LRP1: variants seen among roughly 807,000 people sequenced by gnomAD.
LRP1 encodes prolow-density lipoprotein receptor-related protein 1.
Under a neutral mutation model 541.5 loss-of-function variants are expected in LRP1, and 51 were observed. The ratio of observed to expected loss-of-function variants is 0.09; its 90% CI spans 0.08 to 0.12. LRP1 has a LOEUF of 0.12. Among genes scored for constraint, LRP1 ranks in the 10% least tolerant of loss-of-function variants. The pLI is 1.00. For synonymous variants in LRP1, 2,219 were observed against 2,470.8 expected (o/e 0.90, Z 3.02); for missense variants, 3,878 against 6,376.2 (o/e 0.61, Z 13.34).
chr12:57,200,424 C>T lies in LRP1; in HGVS notation c.10015-18C>T, dbSNP rs375231891. The T allele has an allele frequency of 2.5e-6, 3 of 1,216,900 alleles. No homozygotes were observed. The highest frequency in any genetic ancestry group is 3.6e-6 in the Non-Finnish European group (3 of 836,964). The allele number at this position is 1,216,900 out of a possible 1,614,324, so 75.4% of individuals were successfully genotyped here. ...CCCAGACCCCCACCAACCCCTCTTGCCCCCACCTGCCCTCCAGTTTGTATG... is the reference window on the plus strand; with the variant it reads ...CCCAGACCCCCACCAACCCCTCTTGTCCCCACCTGCCCTCCAGTTTGTATG... On this transcript the variant is annotated intron_variant, in intron 62 of 88. Coordinates refer to ENST00000243077, the MANE Select transcript of LRP1 (RefSeq NM_002332.3).
At position 57,156,109 on chromosome 12, in the gene LRP1, G is replaced by T; in HGVS notation, c.1243G>T (p.Gly415Cys). ...IQGILIEHLY[G>C]LTVFENYLYA... ...CCCGTCTCAGATTGAGCACCTGTAC[G>T]GCCTGACTGTGTTTGAGAATTATCT... is the stretch of plus-strand genomic sequence containing the variant. Residue 415 changes from glycine (G) to cysteine (C), a missense_variant, in exon 9 of 89, where the codon GGC (glycine) becomes TGC (cysteine). This residue lies in a region of LRP1 where 496 missense variants were observed against 861.0 expected (regional missense o/e 0.58). Coordinates refer to ENST00000243077, the MANE Select transcript of LRP1 (RefSeq NM_002332.3). The surrounding 1 kb of genome is among the most constrained non-coding windows in gnomAD (Gnocchi z 5.2). The T allele has an allele frequency of 6.2e-7, 1 of 1,613,968 alleles. No individual in the cohort carries two copies. The highest frequency in any genetic ancestry group is 1.1e-5 in the South Asian group (1 of 91,070).
chr12:57,170,505 C>G (rs1158813732), intron 20 of LRP1, among the ~76,000 whole-genome samples: 1 of 150,550 alleles, frequency 6.6e-6, no homozygotes, highest in Admixed American at 6.6e-5. Flanking sequence ...ATAGGGAGAA[C>G]CCATCTTGAA....
chr12:57,210,448 G>A lies in LRP1; in HGVS notation c.12722G>A (p.Arg4241His), dbSNP rs751895354. The change falls in exon 82 of 89, where the codon CGC (arginine) becomes CAC (histidine). Residue 4241 changes from arginine (R) to histidine (H), a missense_variant. Physicochemically the swap from Arg to His is conservative, Grantham distance 29. Around this residue, in one of 13 missense-constraint regions of LRP1, gnomAD observed 871 missense variants for 1,212.4 expected, o/e 0.72. Coordinates refer to ENST00000243077, the MANE Select transcript of LRP1 (RefSeq NM_002332.3). The stretch of plus-strand genomic sequence containing the variant: ...CTGGACCAGTGCTGGGAGCACTGTC[G>A]CAATGGGGGCACCTGTGCTGCCTCC... The part of the protein sequence containing the change: ...CELDQCWEHC[R>H]NGGTCAASPS... The A allele has an allele frequency of 7.7e-6, 12 of 1,549,062 alleles. No individual in the cohort carries two copies. In the Admixed American group the frequency reaches 1.1e-4, roughly 15 times the overall value.
At position 57,173,725 on chromosome 12, in the gene LRP1, G is replaced by T. The variant is rs1385005849; in HGVS notation, c.3347-55G>T. The T allele has an allele frequency of 6.3e-7, 1 of 1,575,906 alleles. No homozygotes were observed. The highest frequency in any genetic ancestry group is 2.2e-5 in the East Asian group (1 of 44,682). On this transcript the variant is annotated intron_variant, in intron 21 of 88. Transcript: ENST00000243077. This position sits in a 1 kb window ranked among gnomAD's most constrained non-coding sequence, Gnocchi z 4.7. The stretch of plus-strand genomic sequence containing the variant: ...AAGCCCACAGGGTCTGGAAGGAAGG[G>T]CAGGGGGAGCCCCAGTCCCCGGGCC...
chr12:57,211,870 G>C lies in LRP1; in HGVS notation c.13258+56G>C. ...CACCGGGACCTAGAGCAGGGGGACCGTGTGCCTCCTGCTTCCCTGAGCCTT... is the reference window on the plus strand; with the variant it reads ...CACCGGGACCTAGAGCAGGGGGACCCTGTGCCTCCTGCTTCCCTGAGCCTT... On this transcript the variant is annotated intron_variant, in intron 86 of 88. Coordinates refer to ENST00000243077, the MANE Select transcript of LRP1 (RefSeq NM_002332.3). The surrounding 1 kb of genome is among the most constrained non-coding windows in gnomAD (Gnocchi z 4.3). The C allele has an allele frequency of 6.2e-7, 1 of 1,611,506 alleles. No homozygotes were observed. Among genetic ancestry groups the C allele is most frequent in the Non-Finnish European group, 8.5e-7 (1 of 1,177,952 alleles).
Position 57,183,507 on chromosome 12 carries a change from G to A in LRP1, c.5791G>A (p.Ala1931Thr), listed in dbSNP as rs761240617. ...GCTGGCTGTCGGCATCGACTTCCAC[G>A]CTGGTGAGCCATTTGGTGGCAGAGG... ...TSLAVGIDFH[A>T]ENDTIYWVDM... Residue 1931 changes from alanine (A) to threonine (T), a missense_variant, in exon 35 of 89, where the codon GCT becomes ACT. Physicochemically the swap from Ala to Thr is moderately conservative, Grantham distance 58 (BLOSUM62 0). This residue lies in a region of LRP1 where 394 missense variants were observed against 635.9 expected (regional missense o/e 0.62). Coordinates refer to ENST00000243077, the MANE Select transcript of LRP1 (RefSeq NM_002332.3). This position sits in a 1 kb window ranked among gnomAD's most constrained non-coding sequence, Gnocchi z 6.1. The A allele has an allele frequency of 4.3e-6, 7 of 1,612,594 alleles. No homozygotes were observed. Among genetic ancestry groups the A allele is most frequent in the Non-Finnish European group, 5.9e-6 (7 of 1,179,064 alleles).
Position 57,202,297 on chromosome 12 carries a change from G to A in LRP1, c.10595-124G>A, listed in dbSNP as rs555311696. On this transcript the variant is annotated intron_variant, in intron 67 of 88. Coordinates refer to ENST00000243077, the MANE Select transcript of LRP1 (RefSeq NM_002332.3). ...TCTCAAAACACCGCCTGGGCTCCCCGCGGCTGACCCTTCCCAAGCTGGGAT... is the reference window on the plus strand; with the variant it reads ...TCTCAAAACACCGCCTGGGCTCCCCACGGCTGACCCTTCCCAAGCTGGGAT... 1,973 of 778,486 alleles carry A rather than the reference G, an allele frequency of 2.5e-3. 8 individuals carry two copies. The highest frequency in any genetic ancestry group is 2.5e-3 in the Middle Eastern group (11 of 4,342). The allele number at this position is 778,486 out of a possible 1,614,324, so 48.2% of individuals were successfully genotyped here. A position where few individuals can be genotyped will look rare whatever the true frequency, so the allele number is the denominator to read the frequency against.
chr12:57,129,020 C>A lies in LRP1; in HGVS notation c.56C>A (p.Ala19Glu). 6.4e-7 allele frequency: 1 copy of A among 1,551,464 alleles called. No homozygotes were observed. Among genetic ancestry groups the A allele is most frequent in the Non-Finnish European group, 8.7e-7 (1 of 1,146,858 alleles). ...LLPLLSALVAAAIDAPKTCSP... is the reference protein window; with the variant it reads ...LLPLLSALVAEAIDAPKTCSP... ...CCCCTGCTCTCAGCTCTGGTCGCGG[C>A]GGCTATCGACGGTGAGTGAGATTCC... The change falls in exon 1 of 89, where the codon GCG becomes GAG. Residue 19 changes from alanine (A) to glutamate (E), a missense_variant. Transcript: ENST00000243077.
chr12:57,185,737 G>A lies in LRP1; in HGVS notation c.6670G>A (p.Val2224Met), dbSNP rs760164642. Reference protein sequence around the residue: ...LSDERNLNAPVQPFEDPEHMK... With the variant: ...LSDERNLNAPMQPFEDPEHMK... ...GGATGAGCGCAACCTCAATGCGCCC[G>A]TGCAGCCCTTCGAGGACCCTGAGCA... Residue 2224 changes from valine to methionine, a missense_variant, in exon 41 of 89, where the codon GTG becomes ATG. Val to Met is a conservative substitution (Grantham distance 21). Coordinates refer to ENST00000243077, the MANE Select transcript of LRP1 (RefSeq NM_002332.3). The surrounding 1 kb of genome is among the most constrained non-coding windows in gnomAD (Gnocchi z 4.9). The A allele has an allele frequency of 2.3e-5, 37 of 1,614,060 alleles. No individual in the cohort carries two copies. The highest frequency in any genetic ancestry group is 2.7e-5 in the African/African-American group (2 of 74,928).
Position 57,162,852 on chromosome 12 carries a change from C to A in LRP1, c.2405-6C>A. ...CTTTGCCTTTCCCCATGGCCCTTCCCCACAGTTGGCACCAACAAATGCCGG... is the reference window on the plus strand; with the variant it reads ...CTTTGCCTTTCCCCATGGCCCTTCCACACAGTTGGCACCAACAAATGCCGG... On this transcript the variant is annotated splice_polypyrimidine_tract_variant and splice_region_variant and intron_variant, in intron 14 of 88. Coordinates refer to ENST00000243077, the MANE Select transcript of LRP1 (RefSeq NM_002332.3). The surrounding 1 kb of genome is among the most constrained non-coding windows in gnomAD (Gnocchi z 5.2). The A allele has an allele frequency of 6.2e-7, 1 of 1,606,506 alleles. No individual in the cohort carries two copies. The highest frequency in any genetic ancestry group is 2.2e-5 in the East Asian group (1 of 44,626).
At chr12:57,159,755 G>A (rs2035690349) in intron 11 of LRP1, 70 bp from the exon 12 acceptor site, 3 of 1,530,296 alleles carry the variant, frequency 2.0e-6, no homozygotes, top group African/African-American at 2.7e-5. Context: ...CTGAGTCCGG[G>A]AGGGCCAGAG....
chr12:57,204,672 A>C lies in LRP1; in HGVS notation c.11117A>C (p.Asp3706Ala). 1 of 1,613,880 alleles carries C rather than the reference A, an allele frequency of 6.2e-7. No homozygotes were observed. Among genetic ancestry groups the C allele is most frequent in the Non-Finnish European group, 8.5e-7 (1 of 1,179,994 alleles). ...AACCGGCCCTTCCGTTGCAAGAATG[A>C]CCGCGTCTGTCTGTGGATCGGGCGC... Reference protein sequence around the residue: ...PPNRPFRCKNDRVCLWIGRQC... With the variant: ...PPNRPFRCKNARVCLWIGRQC... Residue 3706 changes from aspartate to alanine, a missense_variant, in exon 72 of 89, where the codon GAC becomes GCC. Transcript: ENST00000243077. The surrounding 1 kb of genome is among the most constrained non-coding windows in gnomAD (Gnocchi z 5.3).
intron 1 of LRP1, among the ~76,000 whole-genome samples, chr12:57,136,631 G>A (rs1481789049): frequency 1.3e-5 from 2 of 152,160 alleles, no homozygotes; most frequent in Non-Finnish European, 2.9e-5. Flanking sequence ...CCAGGAGACT[G>A]GGAGCTCAGC....
Position 57,205,294 on chromosome 12 carries a change from G to C in LRP1, c.11335+45G>C. ...CGGACGCTGGTGGGGAGTGGGGAGA[G>C]CCAAGCCCTGGCCTGGGGTGGCTCA... On this transcript the variant is annotated intron_variant, in intron 73 of 88. Transcript: ENST00000243077. The surrounding 1 kb of genome is among the most constrained non-coding windows in gnomAD (Gnocchi z 4.6). 1 of 1,594,638 alleles carries C rather than the reference G, an allele frequency of 6.3e-7. No homozygotes were observed. Among genetic ancestry groups the C allele is most frequent in the South Asian group, 1.1e-5 (1 of 89,406 alleles).
chr12:57,169,491 A>G (rs1030812275), intron 20 of LRP1, among the ~76,000 whole-genome samples, 184 bp downstream of exon 20: 1 of 152,222 alleles, frequency 6.6e-6, no homozygotes, highest in East Asian at 1.9e-4. Flanking sequence ...TTGCCGAAAA[A>G]TCATTGCCAC....
At chr12:57,202,965 G>T in intron 68 of LRP1, 1 of 577,796 alleles carries the variant, frequency 1.7e-6, no homozygotes. Context: ...TGTCCTCTCT[G>T]GTGTCTGTCC....
At chr12:57,161,179 A>G (rs2035726377) in intron 13 of LRP1, 64 bp downstream of exon 13, 2 of 1,518,890 alleles carry the variant, frequency 1.3e-6, no homozygotes, top group Middle Eastern at 1.9e-4. Context: ...TTGGGCGTGG[A>G]TGAGGTTCTG....
At chr12:57,176,810 G>C (rs10876967) in intron 24 of LRP1, among the ~76,000 whole-genome samples, 1 of 151,502 alleles carries the variant, frequency 6.6e-6, no homozygotes, top group Non-Finnish European at 1.5e-5. Context: ...TGAGGCTGCC[G>C]TGAGCCATGA....
intron 76 of LRP1, among the ~76,000 whole-genome samples, chr12:57,207,457 C>G (rs1465194205): frequency 6.6e-6 from 1 of 151,526 alleles, no homozygotes; most frequent in Non-Finnish European, 1.5e-5. Context: ...CCGAGTGCCA[C>G]TCGGTTGCAG....
Sources: allele counts gnomAD v4.1 joint callset (sites outside exome capture counted in the v4.1 genomes callset), GRCh38; gene constraint gnomAD v4.1.1; regional missense constraint gnomAD v4.1.1; non-coding constraint Gnocchi (gnomAD v3.1); transcripts MANE v1.5; gene names NCBI Gene and HGNC (gene_info 2026-07-23, HGNC 2026-07-21).